Variants in CACNA2D1 observed in about 807,000 individuals in gnomAD.
CACNA2D1 encodes voltage-dependent calcium channel subunit alpha-2/delta-1.
Under a neutral mutation model 171.5 loss-of-function variants are expected in CACNA2D1, and 53 were observed. The observed-to-expected ratio is 0.31, with a 90% confidence interval of 0.25 to 0.39. CACNA2D1 has a LOEUF of 0.39. Ranked by LOEUF, CACNA2D1 falls within the 10% of genes least tolerant of loss-of-function variation. CACNA2D1 has a pLI of 1.00. For synonymous variants in CACNA2D1, 442 were observed against 443.1 expected (o/e 1.00, Z 0.03); for missense variants, 903 against 1,299.8 (o/e 0.69, Z 4.69).
At chr7:82,061,838 G>T (rs1305645990) in intron 9 of CACNA2D1, among the ~76,000 whole-genome samples, 1 of 152,154 alleles carries the variant, frequency 6.6e-6, no homozygotes, top group Non-Finnish European at 1.5e-5. Context: ...CTTGTGCTGA[G>T]CCCACTTTTG....
chr7:82,256,093 A>T (rs1806264923), intron 3 of CACNA2D1, among the ~76,000 whole-genome samples: 1 of 152,150 alleles, frequency 6.6e-6, no homozygotes, highest in South Asian at 2.1e-4. Flanking sequence ...CCTGGCCAAC[A>T]TGGTGAAACC....
At chr7:82,318,878 G>C (rs1037523725) in intron 3 of CACNA2D1, among the ~76,000 whole-genome samples, 1 of 151,834 alleles carries the variant, frequency 6.6e-6, no homozygotes, top group Non-Finnish European at 1.5e-5. Flanking sequence ...GAGGAAGAGG[G>C]AGAAGAAGAA....
chr7:82,396,447 G>T (rs1825767799), intron 1 of CACNA2D1, among the ~76,000 whole-genome samples: 2 of 152,162 alleles, frequency 1.3e-5, no homozygotes, highest in African/African-American at 4.8e-5. Context: ...CTTTAAAAAT[G>T]AAGGAGAATA....
chr7:82,039,494 C>T (rs1405079253), intron 10 of CACNA2D1, among the ~76,000 whole-genome samples: 3 of 152,142 alleles, frequency 2.0e-5, no homozygotes, highest in Non-Finnish European at 2.9e-5. Flanking sequence ...TAAATCATTT[C>T]GTCTTTGCAA....
intron 3 of CACNA2D1, among the ~76,000 whole-genome samples, chr7:82,247,257 C>A (rs1805038893): frequency 6.6e-6 from 1 of 152,114 alleles, no homozygotes; most frequent in Non-Finnish European, 1.5e-5. Flanking sequence ...CACCTGTAAT[C>A]CCAGCACTTT....
rs550965654 is a variant in CACNA2D1 at position 82,011,180 on chromosome 7, G to C, written c.1362+974C>G. ...GCGTGCCTGGCCTCTGTCCACTCAG[G>C]GGTGTCCAATCTTTTGGCTTCTCTG... On this transcript the variant is annotated intron_variant, in intron 15 of 38. Coordinates refer to ENST00000356860, the MANE Select transcript of CACNA2D1 (RefSeq NM_000722.4). Among the ~76,000 whole-genome samples, 12 of 152,186 alleles carry C rather than the reference G, an allele frequency of 7.9e-5. No individual in the cohort carries two copies. The East Asian group carries it at 2.3e-3, about 29-fold the overall frequency.
intron 3 of CACNA2D1, among the ~76,000 whole-genome samples, chr7:82,246,142 T>C (rs903551074): frequency 6.6e-6 from 1 of 151,758 alleles, no homozygotes; most frequent in Non-Finnish European, 1.5e-5. Context: ...AACTAGAAAA[T>C]ACTGATAAGC....
chr7:82,109,631 CTGT>C (rs1563061328), intron 6 of CACNA2D1, among the ~76,000 whole-genome samples: 2 of 151,952 alleles, frequency 1.3e-5, no homozygotes, highest in Admixed American at 6.6e-5. Flanking sequence ...AATTATTTGA[CTGT>C]TGTTCATGAA....
chr7:82,402,705 CAAAAAAAAAAAAAAAA>C (rs59290672), intron 1 of CACNA2D1, among the ~76,000 whole-genome samples: 9 of 64,826 alleles, frequency 1.4e-4, no homozygotes, highest in Non-Finnish European at 1.9e-4. Flanking sequence ...GACTCTGTCT[CAAAAAAAAAAAAAAAA>C]AAAAAAAAAA....
intron 3 of CACNA2D1, among the ~76,000 whole-genome samples, chr7:82,280,663 T>C (rs1258254554): frequency 6.6e-6 from 1 of 152,144 alleles, no homozygotes; most frequent in Non-Finnish European, 1.5e-5. Context: ...CATAGAAACC[T>C]TACTTATTAA....
At chr7:82,229,234 T>C (rs2367915) in intron 3 of CACNA2D1, among the ~76,000 whole-genome samples, 79,480 of 151,794 alleles carry the variant, frequency 0.52, 21,147 homozygotes, top group African/African-American at 0.6. Flanking sequence ...CAGGCCTGGC[T>C]CCCAAAACAA....
intron 20 of CACNA2D1, among the ~76,000 whole-genome samples, chr7:81,991,794 T>C (rs1797564213): frequency 6.6e-6 from 1 of 152,144 alleles, no homozygotes; most frequent in Non-Finnish European, 1.5e-5. Context: ...CTCTATCTTT[T>C]ATACATTCTG....
intron 8 of CACNA2D1, among the ~76,000 whole-genome samples, chr7:82,064,893 G>A (rs1807413526): frequency 6.6e-6 from 1 of 152,098 alleles, no homozygotes. Flanking sequence ...AGAATCACCT[G>A]GGGAATCAGT....
At position 82,117,242 on chromosome 7, in the gene CACNA2D1, TTA is replaced by T. The variant is rs1242393053; in HGVS notation, c.397-71_397-70del. The T allele has an allele frequency of 9.6e-6, 14 of 1,451,778 alleles. No individual in the cohort carries two copies. The East Asian group carries it at 3.2e-4, about 33-fold the overall frequency. 89.9% of individuals were successfully genotyped at this position (1,451,778 alleles called of 1,614,324 possible). On this transcript the variant is annotated intron_variant, in intron 5 of 38. Transcript: ENST00000356860. ...CATAAATATTTTCACATGCACTTCT[TTA>T]CTTGCCAAATGCATATTTTTCAAAA...
chr7:82,214,505 A>G (rs953291760), intron 3 of CACNA2D1, among the ~76,000 whole-genome samples: 8 of 151,994 alleles, frequency 5.3e-5, no homozygotes, highest in Non-Finnish European at 1.0e-4. Context: ...GCAGCTGGGA[A>G]AGTAAGGACC....
intron 1 of CACNA2D1, among the ~76,000 whole-genome samples, chr7:82,356,980 T>G (rs1160263898): frequency 2.0e-5 from 3 of 152,184 alleles, no homozygotes; most frequent in Non-Finnish European, 2.9e-5. Context: ...TGTCTACAAA[T>G]TCAATAAAAT....
At chr7:82,361,578 T>G (rs1821082121) in intron 1 of CACNA2D1, among the ~76,000 whole-genome samples, 1 of 152,132 alleles carries the variant, frequency 6.6e-6, no homozygotes, top group Admixed American at 6.6e-5. Flanking sequence ...CTTTAATGTA[T>G]TATATGTTGA....
chr7:81,966,018 C>T (rs1180805548), intron 31 of CACNA2D1, among the ~76,000 whole-genome samples: 1 of 151,600 alleles, frequency 6.6e-6, no homozygotes, highest in East Asian at 1.9e-4. Flanking sequence ...GATTTAAACA[C>T]ATACTTAGGA....
chr7:82,324,780 C>G (rs80234901), intron 3 of CACNA2D1, among the ~76,000 whole-genome samples: 5,224 of 152,130 alleles, frequency 0.034, 298 homozygotes, highest in African/African-American at 0.12. Flanking sequence ...AGTGAAAATT[C>G]TGATAGCCTA....
Sources: gnomAD v4.1 joint callset for allele counts (sites outside exome capture counted in the v4.1 genomes callset) on GRCh38, gnomAD v4.1.1 for gene constraint, MANE v1.5 for transcripts, NCBI Gene and HGNC (gene_info 2026-07-23, HGNC 2026-07-21) for gene names.